The following PPM1L variants were observed in gnomAD, a reference collection of about 807,000 sequenced individuals.
PPM1L encodes protein phosphatase 1L.
A neutral mutation model predicts 31.4 loss-of-function variants in PPM1L; 13 were observed. That is an observed-to-expected ratio of 0.41 (90% confidence interval 0.27 to 0.66). PPM1L has a LOEUF of 0.66. Ranked by LOEUF, PPM1L falls within the 30% of genes least tolerant of loss-of-function variation. The probability of loss-of-function intolerance (pLI) is 0.29; values close to 1 mark genes in which losing one functional copy is unlikely to be tolerated. For synonymous variants in PPM1L, 184 were observed against 175.4 expected (o/e 1.05, Z -0.39); for missense variants, 326 against 453.7 (o/e 0.72, Z 2.56).
At chr3:161,048,417 A>G (rs1719152732) in intron 2 of PPM1L, among the ~76,000 whole-genome samples, 1 of 152,352 alleles carries the variant, frequency 6.6e-6, no homozygotes, top group East Asian at 1.9e-4. Flanking sequence ...AATCATTAAA[A>G]AGTCAGGAAA....
At chr3:160,790,302 T>G (rs972391087) in intron 1 of PPM1L, among the ~76,000 whole-genome samples, 4 of 152,188 alleles carry the variant, frequency 2.6e-5, no homozygotes, top group Non-Finnish European at 4.4e-5. Flanking sequence ...TTTTAACACT[T>G]AAATGTTTAC....
chr3:161,058,281 C>T (rs1719478445), intron 2 of PPM1L, among the ~76,000 whole-genome samples: 1 of 151,420 alleles, frequency 6.6e-6, no homozygotes, highest in African/African-American at 2.4e-5. Context: ...TGTGCCACTA[C>T]ACCTGGCTAA....
At position 160,974,117 on chromosome 3, in the gene PPM1L, C is replaced by T. The variant is rs1262919787; in HGVS notation, c.574+12207C>T. ...ATTCCCACCTATGAGTGAGAATATG[C>T]GGTGTTTGGTTTTTTGTTCTTGCGA... On this transcript the variant is annotated intron_variant, in intron 2 of 3. Transcript: ENST00000498165. 1.9e-3 allele frequency among the ~76,000 whole-genome samples: 275 copies of T among 143,862 alleles called. 2 individuals are homozygous for T. The highest frequency in any genetic ancestry group is 3.4e-3 in the Non-Finnish European group (226 of 66,312). The allele number at this position is 143,862 out of a possible 152,430, so 94.4% of individuals were successfully genotyped here.
intron 1 of PPM1L, among the ~76,000 whole-genome samples, chr3:160,781,498 A>G (rs147746411): frequency 2.0e-5 from 3 of 152,302 alleles, no homozygotes; most frequent in African/African-American, 7.2e-5. Context: ...AGAAAAGGAA[A>G]ATGGCCTAGC....
intron 1 of PPM1L, among the ~76,000 whole-genome samples, chr3:160,909,540 C>T (rs755256679): frequency 6.6e-6 from 1 of 152,086 alleles, no homozygotes; most frequent in Non-Finnish European, 1.5e-5. Flanking sequence ...TGCCTGGGTT[C>T]AGAATAGAAA....
At chr3:160,848,671 G>A (rs1376461079) in intron 1 of PPM1L, among the ~76,000 whole-genome samples, 4 of 152,114 alleles carry the variant, frequency 2.6e-5, no homozygotes, top group Admixed American at 1.3e-4. Context: ...GGGGTCCTTA[G>A]TTCAGTTCTT....
At chr3:160,978,050 G>T (rs1362727226) in intron 2 of PPM1L, among the ~76,000 whole-genome samples, 1 of 152,174 alleles carries the variant, frequency 6.6e-6, no homozygotes, top group Non-Finnish European at 1.5e-5. Context: ...GAACAGGAGT[G>T]AGGGGCACTG....
At chr3:160,809,654 T>C (rs977175982) in intron 1 of PPM1L, among the ~76,000 whole-genome samples, 4 of 152,160 alleles carry the variant, frequency 2.6e-5, no homozygotes, top group African/African-American at 9.7e-5. Context: ...TATGACATCA[T>C]TACTAGATAT....
intron 2 of PPM1L, among the ~76,000 whole-genome samples, chr3:161,036,563 C>T (rs1388207009): frequency 1.3e-5 from 2 of 152,130 alleles, no homozygotes; most frequent in African/African-American, 4.8e-5. Flanking sequence ...TAATTGTTAT[C>T]CTTCAGTAAT....
chr3:160,857,927 G>C (rs1223054970), intron 1 of PPM1L, among the ~76,000 whole-genome samples: 1 of 152,064 alleles, frequency 6.6e-6, no homozygotes. Flanking sequence ...TCCCATTTTG[G>C]GTGTGGAAGC....
chr3:160,794,227 A>G (rs1265391743), intron 1 of PPM1L, among the ~76,000 whole-genome samples: 1 of 152,172 alleles, frequency 6.6e-6, no homozygotes, highest in Non-Finnish European at 1.5e-5. Context: ...AGTGTATCAT[A>G]TATATTCAGG....
chr3:160,814,620 CACAT>C (rs1315889182), intron 1 of PPM1L, among the ~76,000 whole-genome samples: 8 of 141,134 alleles, frequency 5.7e-5, no homozygotes, highest in Admixed American at 1.4e-4. Flanking sequence ...TATATACACA[CACAT>C]ATGTATGTAT....
At chr3:160,931,399 C>T (rs1236072881) in intron 1 of PPM1L, among the ~76,000 whole-genome samples, 2 of 152,210 alleles carry the variant, frequency 1.3e-5, no homozygotes, top group African/African-American at 4.8e-5. Flanking sequence ...CTCATTTATC[C>T]ATTTAGTTCA....
At chr3:160,879,565 A>G (rs1712633683) in intron 1 of PPM1L, among the ~76,000 whole-genome samples, 1 of 152,174 alleles carries the variant, frequency 6.6e-6, no homozygotes, top group Admixed American at 6.5e-5. Context: ...TTTTGTCCCA[A>G]AGGATCCTGT....
At chr3:160,782,937 T>G (rs1171580266) in intron 1 of PPM1L, among the ~76,000 whole-genome samples, 1 of 152,230 alleles carries the variant, frequency 6.6e-6, no homozygotes, top group East Asian at 1.9e-4. Context: ...TTGAAATTGA[T>G]GAAAAACTTT....
intron 1 of PPM1L, among the ~76,000 whole-genome samples, chr3:160,769,187 TAGAA>T (rs1323121946): frequency 2.0e-5 from 3 of 152,102 alleles, no homozygotes; most frequent in East Asian, 3.9e-4. Context: ...CATGACAACT[TAGAA>T]AGGTGAACAA....
intron 2 of PPM1L, among the ~76,000 whole-genome samples, chr3:161,028,693 A>G (rs536938371): frequency 1.3e-5 from 2 of 152,226 alleles, no homozygotes; most frequent in Admixed American, 6.5e-5. Context: ...CCCCTCCCCT[A>G]TGAATAAACT....
chr3:160,900,281 T>G (rs1449527121), intron 1 of PPM1L, among the ~76,000 whole-genome samples: 1 of 152,144 alleles, frequency 6.6e-6, no homozygotes, highest in East Asian at 1.9e-4. Context: ...TTATTTTGAT[T>G]GCTCATATGA....
At chr3:161,056,225 A>C (rs1719405485) in intron 2 of PPM1L, among the ~76,000 whole-genome samples, 1 of 152,122 alleles carries the variant, frequency 6.6e-6, no homozygotes, top group Non-Finnish European at 1.5e-5. Flanking sequence ...GCCTAAAAGC[A>C]GCTGAGGCTC....
Sources: gnomAD v4.1 joint callset for allele counts (sites outside exome capture counted in the v4.1 genomes callset) on GRCh38, gnomAD v4.1.1 for gene constraint, MANE v1.5 for transcripts, NCBI Gene and HGNC (gene_info 2026-07-23, HGNC 2026-07-21) for gene names.